SNTG2: variants seen among roughly 807,000 people sequenced by gnomAD.
SNTG2 encodes syntrophin gamma 2, also known as gamma-2-syntrophin.
In SNTG2, 74 loss-of-function variants were observed where a neutral mutation model predicts 70.9. The ratio of observed to expected loss-of-function variants is 1.04; its 90% CI spans 0.86 to 1.27. The LOEUF (loss-of-function observed/expected upper bound fraction) is 1.27, where lower values mean the gene tolerates loss of function less well. Ranked by LOEUF, SNTG2 falls within the 50% of genes most tolerant of loss-of-function variation. The probability of loss-of-function intolerance (pLI) is 0.00; values close to 1 mark genes in which losing one functional copy is unlikely to be tolerated. For missense variants in SNTG2, 717 were observed against 690.7 expected (o/e 1.04, Z -0.43); for synonymous variants, 278 against 273.8 (o/e 1.02, Z -0.15).
intron 1 of SNTG2, among the ~76,000 whole-genome samples, chr2:991,176 A>C (rs761669581): frequency 3.0e-4 from 45 of 152,292 alleles, no homozygotes; most frequent in Non-Finnish European, 1.3e-4. Flanking sequence ...ACCAGATGGC[A>C]ATTGTGTTGT....
chr2:1,317,229 G>A lies in SNTG2; in HGVS notation c.1488+854G>A, dbSNP rs1370795979. 3.4e-5 allele frequency among the ~76,000 whole-genome samples: 3 copies of A among 89,420 alleles called. 1 individual carries two copies. The highest frequency in any genetic ancestry group is 1.3e-4 in the African/African-American group (3 of 22,392). 58.7% of individuals were successfully genotyped at this position (89,420 alleles called of 152,430 possible). On this transcript the variant is annotated intron_variant, in intron 16 of 16. Transcript: ENST00000308624. ...TGGGATTCTGGAACATTTAGCGTCC[G>A]GCCAGCATTGGAGAAGGTTGGGATT...
At chr2:982,675 A>G (rs1450812187) in intron 1 of SNTG2, among the ~76,000 whole-genome samples, 1 of 152,244 alleles carries the variant, frequency 6.6e-6, no homozygotes, top group Non-Finnish European at 1.5e-5. Context: ...AGCAGCGTGG[A>G]CAGGACTCCC....
intron 14 of SNTG2, among the ~76,000 whole-genome samples, chr2:1,296,129 G>T (rs930147286): frequency 6.6e-6 from 1 of 152,196 alleles, no homozygotes; most frequent in African/African-American, 2.4e-5. Flanking sequence ...GGGGTGGGAG[G>T]GTCAGGCAGA....
intron 6 of SNTG2, chr2:1,160,179 G>T (rs967808694): frequency 6.6e-6 from 1 of 152,200 alleles, no homozygotes; most frequent in South Asian, 2.1e-4. Flanking sequence ...ACATCTACAC[G>T]TGTGGCTGCT....
chr2:1,302,048 G>A (rs1439465303), intron 14 of SNTG2, among the ~76,000 whole-genome samples: 2 of 148,916 alleles, frequency 1.3e-5, no homozygotes, highest in Non-Finnish European at 1.5e-5. Context: ...TGCAACCTCC[G>A]CCTCCCAGGT....
At chr2:1,169,771 C>T (rs1432513521) in intron 7 of SNTG2, among the ~76,000 whole-genome samples, 3 of 152,160 alleles carry the variant, frequency 2.0e-5, no homozygotes, top group African/African-American at 4.8e-5. Context: ...CCCAGCTACA[C>T]GGACCACCCC....
chr2:1,284,954 T>C (rs1326722196), intron 14 of SNTG2, among the ~76,000 whole-genome samples: 1 of 151,046 alleles, frequency 6.6e-6, no homozygotes, highest in African/African-American at 2.4e-5. Flanking sequence ...TCTATATAAA[T>C]ATAAATATAA....
chr2:1,002,381 A>G (rs534612775), intron 1 of SNTG2, among the ~76,000 whole-genome samples: 2 of 152,320 alleles, frequency 1.3e-5, no homozygotes, highest in African/African-American at 2.4e-5. Flanking sequence ...TCCAGAATCT[A>G]CAAGGAATGC....
At chr2:1,320,188 C>G (rs769304476) in intron 16 of SNTG2, among the ~76,000 whole-genome samples, 7 of 152,016 alleles carry the variant, frequency 4.6e-5, no homozygotes, top group Non-Finnish European at 8.8e-5. Context: ...GGGAGGAGTT[C>G]TGGGGCTTGG....
intron 8 of SNTG2, among the ~76,000 whole-genome samples, chr2:1,184,422 T>C (rs1672121033): frequency 6.6e-6 from 1 of 152,188 alleles, no homozygotes; most frequent in South Asian, 2.1e-4. Flanking sequence ...AAAAAAACTA[T>C]GATGACTATC....
At chr2:971,074 C>G (rs6548291) in intron 1 of SNTG2, among the ~76,000 whole-genome samples, 52,350 of 152,038 alleles carry the variant, frequency 0.34, 9,805 homozygotes, top group Middle Eastern at 0.46. Context: ...ACTTTTGCAT[C>G]TATGTTCATC....
chr2:1,052,854 T>G (rs1306237878), intron 1 of SNTG2, among the ~76,000 whole-genome samples: 1 of 152,208 alleles, frequency 6.6e-6, no homozygotes, highest in East Asian at 1.9e-4. Context: ...GCATTCCAGC[T>G]GTAAGTTATT....
chr2:1,068,927 A>T (rs1335959388), intron 1 of SNTG2, among the ~76,000 whole-genome samples: 2 of 152,368 alleles, frequency 1.3e-5, no homozygotes, highest in Non-Finnish European at 2.9e-5. Context: ...GTAGGGCCGT[A>T]CTCATTGACT....
chr2:1,157,791 G>A (rs980701964), intron 6 of SNTG2, among the ~76,000 whole-genome samples: 10 of 152,202 alleles, frequency 6.6e-5, no homozygotes, highest in Admixed American at 5.2e-4. Flanking sequence ...GAGATGTGCT[G>A]TAGGAATGTG....
intron 4 of SNTG2, among the ~76,000 whole-genome samples, chr2:1,123,910 T>C (rs181002470): frequency 3.9e-5 from 6 of 152,324 alleles, no homozygotes; most frequent in African/African-American, 7.2e-5. Flanking sequence ...CTCTCACTTA[T>C]ATGTGGAATC....
intron 14 of SNTG2, among the ~76,000 whole-genome samples, chr2:1,307,512 A>G (rs1482257361): frequency 1.3e-5 from 2 of 151,786 alleles, no homozygotes; most frequent in African/African-American, 4.8e-5. Context: ...GTAGGCATCA[A>G]GCACCCATTT....
chr2:1,358,016 T>G (rs747689805), intron 16 of SNTG2, among the ~76,000 whole-genome samples: 17 of 152,164 alleles, frequency 1.1e-4, no homozygotes, highest in Admixed American at 4.6e-4. Context: ...TGCTGGTAGA[T>G]TCAGTTCCTG....
rs774680660 is a variant in SNTG2 at position 1,118,304 on chromosome 2, C to G, written c.326-19318C>G. 9.9e-4 allele frequency among the ~76,000 whole-genome samples: 151 copies of G among 152,068 alleles called. 1 individual carries two copies. Among genetic ancestry groups the G allele is most frequent in the Non-Finnish European group, 1.7e-3 (115 of 68,024 alleles). On this transcript the variant is annotated intron_variant, in intron 4 of 16. Transcript: ENST00000308624. The stretch of plus-strand genomic sequence containing the variant: ...CTGAGACTCCCCTCTACAGAGAAGT[C>G]AAAAGTAGTAGGATACATGAAGCCC...
chr2:963,740 C>T (rs1660435313), intron 1 of SNTG2, among the ~76,000 whole-genome samples: 1 of 152,146 alleles, frequency 6.6e-6, no homozygotes, highest in South Asian at 2.1e-4. Context: ...GATATTAATA[C>T]TAAATTAAAA....
Sources: gnomAD v4.1 joint callset for allele counts (sites outside exome capture counted in the v4.1 genomes callset) on GRCh38, gnomAD v4.1.1 for gene constraint, MANE v1.5 for transcripts, NCBI Gene and HGNC (gene_info 2026-07-23, HGNC 2026-07-21) for gene names.